The following KCTD3 variants were observed in gnomAD, a reference collection of about 807,000 sequenced individuals.
KCTD3 encodes the protein BTB/POZ domain-containing protein KCTD3.
A neutral mutation model predicts 85.8 loss-of-function variants in KCTD3; 41 were observed. That is an observed-to-expected ratio of 0.48 (90% CI 0.37 to 0.62). KCTD3 has a LOEUF of 0.62. Among genes scored for constraint, KCTD3 ranks in the 20% least tolerant of loss-of-function variants. The pLI is 0.00. For missense variants in KCTD3, 724 were observed against 989.9 expected, an observed-to-expected ratio of 0.73 and a Z score of 3.60; for synonymous variants, 338 against 345.4, an observed-to-expected ratio of 0.98 and a Z score of 0.24.
intron 4 of KCTD3, among the ~76,000 whole-genome samples, 188 bp from the exon 5 acceptor site, chr1:215,577,482 G>A (rs557653748): frequency 6.6e-6 from 1 of 151,966 alleles, no homozygotes; most frequent in South Asian, 2.1e-4. Flanking sequence ...GAATATTTTT[G>A]TTCACATGCA....
In KCTD3 at chr1:215,604,254, C is replaced by T. The variant is rs768994178; in HGVS notation, c.1261C>T (p.Arg421Ter). 3 of 1,613,802 alleles carry T rather than the reference C, an allele frequency of 1.9e-6. No individual in the cohort carries two copies. The highest frequency in any genetic ancestry group is 2.2e-5 in the East Asian group (1 of 44,868). ...PQLFQTFTVH[R>*]SPVTKIMLSE... ...GCTTTTTCAGACTTTCACAGTTCACCGAAGTCCCGTAACAAAAATCATGCT... is the reference window on the plus strand; with the variant it reads ...GCTTTTTCAGACTTTCACAGTTCACTGAAGTCCCGTAACAAAAATCATGCT... Residue 421 changes from arginine to a stop codon, truncating the protein, a stop_gained, in exon 13 of 18, where the codon CGA (arginine) becomes TGA (stop). Transcript: ENST00000259154. LOFTEE classifies it high-confidence loss of function.
In KCTD3 at chr1:215,567,571, GGCCGCCGCCGCCCCGCTGGCCCTGCA is replaced by G; in HGVS notation, c.-110_-85del. 2.2e-6 allele frequency: 1 copy of G among 463,158 alleles called. No homozygotes were observed. The highest frequency in any genetic ancestry group is 3.2e-6 in the Non-Finnish European group (1 of 313,078). The allele number at this position is 463,158 out of a possible 1,614,324, so 28.7% of individuals were successfully genotyped here. A position where few individuals can be genotyped will look rare whatever the true frequency, so the allele number is the denominator to read the frequency against. ...AAGCCCCGTGCACCCCCCGCCCTCC[GGCCGCCGCCGCCCCGCTGGCCCTGCA>G]GCCGTCGCCGCTGCCTCGGGCTACA... On this transcript the variant is annotated 5_prime_UTR_variant, in exon 1 of 18. Coordinates refer to ENST00000259154, the MANE Select transcript of KCTD3 (RefSeq NM_016121.5).
intron 14 of KCTD3, among the ~76,000 whole-genome samples, chr1:215,611,557 C>T (rs148521111): frequency 6.6e-6 from 1 of 151,836 alleles, no homozygotes; most frequent in Admixed American, 6.6e-5. Flanking sequence ...TAATGTGGCA[C>T]CTTAGGAAAT....
At chr1:215,612,530 A>AT (rs1326055383) in intron 15 of KCTD3, among the ~76,000 whole-genome samples, 1 of 152,058 alleles carries the variant, frequency 6.6e-6, no homozygotes, top group Non-Finnish European at 1.5e-5. Flanking sequence ...TGCTGCACTT[A>AT]TGCTTCCATT....
Position 215,608,104 on chromosome 1 carries a change from C to T in KCTD3, c.1397C>T (p.Ala466Val), listed in dbSNP as rs1412591136. Reference protein sequence around the residue: ...ISTQPGSTPLASFKILSLEET... With the variant: ...ISTQPGSTPLVSFKILSLEET... ...ACTCAGCCAGGTTCTACTCCTTTAGCGTCATTCAAGATACTATCCCTGGAG... is the reference window on the plus strand; with the variant it reads ...ACTCAGCCAGGTTCTACTCCTTTAGTGTCATTCAAGATACTATCCCTGGAG... The change falls in exon 14 of 18, where the codon GCG becomes GTG. Residue 466 changes from alanine to valine, a missense_variant. Transcript: ENST00000259154. The T allele has an allele frequency of 1.9e-6, 3 of 1,611,640 alleles. No individual in the cohort carries two copies. The highest frequency in any genetic ancestry group is 1.7e-5 in the Admixed American group (1 of 59,840).
In KCTD3 at chr1:215,621,563, A is replaced by G. The variant is rs1553312149; in HGVS notation, c.*945A>G. ...GAATGTATTTTGAATTGTAAGAGCA[A>G]AAGAACGTTTTTGTACAATTTTTTT... On this transcript the variant is annotated 3_prime_UTR_variant, in exon 18 of 18. Coordinates refer to ENST00000259154, the MANE Select transcript of KCTD3 (RefSeq NM_016121.5). 2 of 152,694 alleles carry G rather than the reference A, an allele frequency of 1.3e-5. No individual in the cohort carries two copies. Among genetic ancestry groups the G allele is most frequent in the South Asian group, 4.1e-4 (2 of 4,832 alleles). 9.5% of individuals were successfully genotyped at this position (152,694 alleles called of 1,614,324 possible). A position where few individuals can be genotyped will look rare whatever the true frequency, so the allele number is the denominator to read the frequency against.
At chr1:215,608,322 G>T in intron 14 of KCTD3, 150 bp downstream of exon 14, 1 of 509,388 alleles carries the variant, frequency 2.0e-6, no homozygotes, top group Non-Finnish European at 3.3e-6. Flanking sequence ...GTGTTTTTCT[G>T]ATTAAATTCT....
intron 15 of KCTD3, among the ~76,000 whole-genome samples, chr1:215,612,830 C>T (rs1655279776): frequency 6.6e-6 from 1 of 152,124 alleles, no homozygotes; most frequent in African/African-American, 2.4e-5. Context: ...TTTCCTCTTC[C>T]TTTTCTATTG....
At chr1:215,617,395 C>G (rs1041853408) in intron 15 of KCTD3, among the ~76,000 whole-genome samples, 1 of 152,042 alleles carries the variant, frequency 6.6e-6, no homozygotes, top group African/African-American at 2.4e-5. Flanking sequence ...GTCTTCTACC[C>G]GTGTGATATG....
intron 8 of KCTD3, among the ~76,000 whole-genome samples, chr1:215,581,562 A>G (rs2102563541): frequency 6.6e-6 from 1 of 152,336 alleles, no homozygotes; most frequent in African/African-American, 2.4e-5. Context: ...TACTGTACAC[A>G]ATACTAAAGA....
intron 9 of KCTD3, 92 bp from the exon 10 acceptor site, chr1:215,595,264 A>G (rs913802553): frequency 2.6e-6 from 2 of 757,210 alleles, no homozygotes; most frequent in Admixed American, 2.2e-5. Context: ...GAGAATATAA[A>G]TTAGTCACCT....
chr1:215,596,183 G>C (rs1221457212), intron 10 of KCTD3, among the ~76,000 whole-genome samples: 1 of 152,112 alleles, frequency 6.6e-6, no homozygotes, highest in Non-Finnish European at 1.5e-5. Flanking sequence ...CTAATTTTGG[G>C]TTTCTAGTTT....
At position 215,606,737 on chromosome 1, in the gene KCTD3, G is replaced by A. The variant is rs945211158; in HGVS notation, c.1310-1280G>A. On this transcript the variant is annotated intron_variant, in intron 13 of 17. Transcript: ENST00000259154. ...TATCCTTTTTAACAAAAAATCTGGA[G>A]TATTTTGTGTATACTCAGTTATGTT... Among the ~76,000 whole-genome samples, 9 of 152,052 alleles carry A rather than the reference G, an allele frequency of 5.9e-5. 1 individual carries two copies. Among genetic ancestry groups the A allele is most frequent in the Admixed American group, 4.6e-4 (7 of 15,242 alleles).
At chr1:215,578,825 TC>T (rs1381400269) in intron 6 of KCTD3, among the ~76,000 whole-genome samples, 174 bp from the exon 7 acceptor site, 1 of 152,234 alleles carries the variant, frequency 6.6e-6, no homozygotes, top group East Asian at 1.9e-4. Context: ...TTTGTTTTTT[TC>T]ATTTTCATTT....
At chr1:215,569,322 C>T (rs1659276784) in intron 1 of KCTD3, among the ~76,000 whole-genome samples, 1 of 151,804 alleles carries the variant, frequency 6.6e-6, no homozygotes. Flanking sequence ...GGTTTAACTA[C>T]GTTGACCAGG....
chr1:215,599,476 A>G (rs987101544), intron 10 of KCTD3, among the ~76,000 whole-genome samples: 1 of 152,236 alleles, frequency 6.6e-6, no homozygotes, highest in Non-Finnish European at 1.5e-5. Context: ...ATTTAAATTT[A>G]CATGTAGAAA....
At chr1:215,583,424 G>A (rs962975930) in intron 8 of KCTD3, among the ~76,000 whole-genome samples, 4 of 152,174 alleles carry the variant, frequency 2.6e-5, no homozygotes, top group African/African-American at 7.2e-5. Flanking sequence ...TATAATTAGC[G>A]TATAATGAGC....
At position 215,609,883 on chromosome 1, in the gene KCTD3, T is replaced by C. The variant is rs190440708; in HGVS notation, c.1465+1711T>C. On this transcript the variant is annotated intron_variant, in intron 14 of 17. Transcript: ENST00000259154. ...TTCTGTGGTATGAAGATATACCTGGTTTCTGGAGAAAGAACTTAACTAGAA... is the reference window on the plus strand; with the variant it reads ...TTCTGTGGTATGAAGATATACCTGGCTTCTGGAGAAAGAACTTAACTAGAA... Among the ~76,000 whole-genome samples the C allele has an allele frequency of 4.8e-4, 73 of 152,058 alleles. 1 individual carries two copies. The highest frequency in any genetic ancestry group is 8.8e-5 in the Non-Finnish European group (6 of 67,884).
At chr1:215,572,691 A>C (rs538734421) in intron 1 of KCTD3, among the ~76,000 whole-genome samples, 43 of 152,372 alleles carry the variant, frequency 2.8e-4, no homozygotes, top group African/African-American at 9.9e-4. Flanking sequence ...TGGATGATAC[A>C]GTGTATACAT....
Sources: gnomAD v4.1 joint callset for allele counts (sites outside exome capture counted in the v4.1 genomes callset) on GRCh38, gnomAD v4.1.1 for gene constraint, MANE v1.5 for transcripts, NCBI Gene and HGNC (gene_info 2026-07-23, HGNC 2026-07-21) for gene names.